MYO16: variants seen among roughly 807,000 people sequenced by gnomAD.
MYO16 encodes unconventional myosin-XVI.
Under a neutral mutation model 205.3 loss-of-function variants are expected in MYO16, and 94 were observed. The observed-to-expected ratio is 0.46, with a 90% CI of 0.39 to 0.54. The LOEUF (loss-of-function observed/expected upper bound fraction) is 0.54. Ranked by LOEUF, MYO16 falls within the 20% of genes least tolerant of loss-of-function variation. The probability of loss-of-function intolerance (pLI) is 0.00; values close to 1 mark genes in which losing one functional copy is unlikely to be tolerated. For synonymous variants in MYO16, 988 were observed against 954.0 expected (o/e 1.04, Z -0.66); for missense variants, 2,315 against 2,387.5 (o/e 0.97, Z 0.63).
At chr13:108,915,533 T>C (rs184916916) in intron 16 of MYO16, among the ~76,000 whole-genome samples, 52 of 152,344 alleles carry the variant, frequency 3.4e-4, no homozygotes, top group Admixed American at 2.0e-3. Flanking sequence ...TATTTCAATT[T>C]TTCTTACCCT....
chr13:109,141,248 C>T lies in MYO16; in HGVS notation c.5036C>T (p.Pro1679Leu), dbSNP rs753073103. The stretch of plus-strand genomic sequence containing the variant: ...AAGGCCGGCTCCAGTGCCTCGCCCC[C>T]CGCGCCCTACAGCCCTCCCAGCTCC... Reference protein sequence around the residue: ...ARKAGSSASPPAPYSPPSSRP... With the variant: ...ARKAGSSASPLAPYSPPSSRP... Residue 1679 changes from proline (P) to leucine (L), a missense_variant, in exon 32 of 35, where the codon CCC becomes CTC. Pro to Leu is a moderately conservative substitution (Grantham distance 98, BLOSUM62 -3). This residue lies in a region of MYO16 where 1,097 missense variants were observed against 1,092.0 expected (regional missense o/e 1.00). Transcript: ENST00000457511. The surrounding 1 kb of genome is among the most constrained non-coding windows in gnomAD (Gnocchi z 4.1). 6.2e-7 allele frequency: 1 copy of T among 1,606,274 alleles called. No individual in the cohort carries two copies. The highest frequency in any genetic ancestry group is 8.5e-7 in the Non-Finnish European group (1 of 1,176,454).
chr13:108,587,939 C>A, the MYO16 span, among the ~76,000 whole-genome samples: 1 of 152,120 alleles, frequency 6.6e-6, no homozygotes, highest in African/African-American at 2.4e-5. Context: ...GCACTTAGAT[C>A]CTTTTCTCCA....
the MYO16 span, among the ~76,000 whole-genome samples, chr13:108,551,914 C>T: frequency 6.6e-6 from 1 of 152,162 alleles, no homozygotes; most frequent in African/African-American, 2.4e-5. Context: ...AAATATCACA[C>T]ACCAAATTAA....
intron 1 of MYO16, among the ~76,000 whole-genome samples, chr13:108,640,430 C>T (rs1474983720): frequency 1.3e-5 from 2 of 152,106 alleles, no homozygotes; most frequent in African/African-American, 2.4e-5. Context: ...GAGTACAGAA[C>T]ACATATGAGC....
chr13:108,986,248 AC>A (rs1165647345), intron 20 of MYO16, among the ~76,000 whole-genome samples: 1 of 152,134 alleles, frequency 6.6e-6, no homozygotes, highest in Non-Finnish European at 1.5e-5. Context: ...ACACAGCCAA[AC>A]CATATCAAGG....
intron 1 of MYO16, among the ~76,000 whole-genome samples, chr13:108,603,783 T>C (rs889569275): frequency 4.6e-5 from 7 of 152,228 alleles, no homozygotes; most frequent in African/African-American, 1.7e-4. Context: ...GCTATTTGCC[T>C]GTCTCTCAGT....
chr13:108,964,087 G>A (rs1182765593), intron 19 of MYO16, among the ~76,000 whole-genome samples: 4 of 152,188 alleles, frequency 2.6e-5, no homozygotes, highest in South Asian at 2.1e-4. Flanking sequence ...TGCCTGAGAC[G>A]CAATGGTCAG....
intron 3 of MYO16, 29 bp from the exon 4 acceptor site, chr13:108,727,411 T>C: frequency 3.1e-6 from 5 of 1,602,398 alleles, no homozygotes; most frequent in Non-Finnish European, 4.3e-6. Flanking sequence ...TTGTAATAAT[T>C]TGATATTTCC....
chr13:108,516,369 A>G, the MYO16 span, among the ~76,000 whole-genome samples: 2 of 151,678 alleles, frequency 1.3e-5, no homozygotes, highest in African/African-American at 4.8e-5. Context: ...GCCTGCGCCC[A>G]CTGTCTGGCA....
chr13:109,163,936 T>G lies in MYO16; in HGVS notation c.5165-965T>G, dbSNP rs551444859. The G allele has an allele frequency of 2.0e-5, 3 of 152,306 alleles. No homozygotes were observed. The South Asian group carries it at 6.2e-4, about 32-fold the overall frequency. The allele number at this position is 152,306 out of a possible 1,614,324, so 9.4% of individuals were successfully genotyped here. A position where few individuals can be genotyped will look rare whatever the true frequency, so the allele number is the denominator to read the frequency against. On this transcript the variant is annotated intron_variant, in intron 32 of 34. Coordinates refer to ENST00000457511, the MANE Select transcript of MYO16 (RefSeq NM_001198950.3). ...TCAAATAATTTATTAGTCTAAATCT[T>G]TAGAAAAGCCTAACTTTAAGACAGT...
chr13:109,205,001 C>T (rs1880540311), intron 34 of MYO16, among the ~76,000 whole-genome samples: 1 of 152,054 alleles, frequency 6.6e-6, no homozygotes, highest in Admixed American at 6.5e-5. Flanking sequence ...CAAGCATCTG[C>T]CCAACAGAAT....
chr13:109,183,260 G>T (rs932985779), intron 34 of MYO16, among the ~76,000 whole-genome samples: 1 of 152,186 alleles, frequency 6.6e-6, no homozygotes, highest in Non-Finnish European at 1.5e-5. Context: ...AGCCAAGAAT[G>T]ACTTCTTCGC....
the MYO16 span, among the ~76,000 whole-genome samples, chr13:108,559,994 G>A: frequency 3.4e-4 from 51 of 152,114 alleles, no homozygotes; most frequent in Admixed American, 9.8e-4. Context: ...GTAGACTAAA[G>A]CCCCTCTAAC....
intron 16 of MYO16, among the ~76,000 whole-genome samples, chr13:108,929,473 G>T (rs918778582): frequency 6.6e-6 from 1 of 152,206 alleles, no homozygotes; most frequent in African/African-American, 2.4e-5. Context: ...CCTAATGAGG[G>T]TTTAAATTAG....
the MYO16 span, among the ~76,000 whole-genome samples, chr13:108,550,242 C>T: frequency 6.6e-6 from 1 of 152,272 alleles, no homozygotes; most frequent in African/African-American, 2.4e-5. Flanking sequence ...AGCCATTTGG[C>T]AGCTGAGCAC....
intron 23 of MYO16, among the ~76,000 whole-genome samples, chr13:109,045,055 A>T (rs1281487575): frequency 6.6e-6 from 1 of 152,140 alleles, no homozygotes; most frequent in Non-Finnish European, 1.5e-5. Context: ...CTCTCATTTT[A>T]CCAAGTAAGA....
intron 34 of MYO16, among the ~76,000 whole-genome samples, chr13:109,195,453 A>C (rs538164417): frequency 6.6e-4 from 101 of 152,076 alleles, no homozygotes; most frequent in African/African-American, 2.4e-3. Context: ...CTTTTAATCA[A>C]AGACTTTTTA....
chr13:108,953,154 G>A (rs2139345182), intron 16 of MYO16, among the ~76,000 whole-genome samples: 1 of 152,282 alleles, frequency 6.6e-6, no homozygotes, highest in African/African-American at 2.4e-5. Context: ...TCAACTTTCA[G>A]GTGATTCACG....
intron 9 of MYO16, among the ~76,000 whole-genome samples, chr13:108,841,311 A>G (rs959999086): frequency 2.6e-5 from 4 of 152,252 alleles, no homozygotes; most frequent in Non-Finnish European, 5.9e-5. Flanking sequence ...GCTAAATGAA[A>G]GTGAAAGTCA....
Sources: allele counts gnomAD v4.1 joint callset (sites outside exome capture counted in the v4.1 genomes callset), GRCh38; gene constraint gnomAD v4.1.1; regional missense constraint gnomAD v4.1.1; non-coding constraint Gnocchi (gnomAD v3.1); transcripts MANE v1.5; gene names NCBI Gene and HGNC (gene_info 2026-07-23, HGNC 2026-07-21).